CCDC47: variants seen among roughly 807,000 people sequenced by gnomAD.
The protein encoded by CCDC47 is coiled-coil domain containing 47, also known as PAT complex subunit CCDC47.
CCDC47 carries 41 observed loss-of-function variants against 60.5 expected under a neutral mutation model. That is an observed-to-expected ratio of 0.68 (90% CI 0.53 to 0.88). CCDC47 has a LOEUF of 0.88. Ranked by LOEUF, CCDC47 falls within the 40% of genes least tolerant of loss-of-function variation. The probability of loss-of-function intolerance (pLI) is 0.00; values close to 1 mark genes in which losing one functional copy is unlikely to be tolerated. For synonymous variants in CCDC47, 195 were observed against 190.7 expected (o/e 1.02, Z -0.18); for missense variants, 513 against 580.9 (o/e 0.88, Z 1.20).
At chr17:63,768,202 A>G (rs2039310730) in intron 1 of CCDC47, among the ~76,000 whole-genome samples, 1 of 152,240 alleles carries the variant, frequency 6.6e-6, no homozygotes, top group Non-Finnish European at 1.5e-5. Flanking sequence ...CTGTAATTAA[A>G]TGTACCTTCA....
intron 8 of CCDC47, 121 bp downstream of exon 8, chr17:63,756,119 G>A: frequency 1.5e-6 from 1 of 661,368 alleles, no homozygotes; most frequent in East Asian, 2.7e-5. Flanking sequence ...ATATTTGTGT[G>A]GGAAAGGAAT....
chr17:63,766,045 T>A lies in CCDC47; in HGVS notation c.131A>T (p.Asp44Val). The change falls in exon 2 of 13, where the codon GAT (aspartate) becomes GTT (valine). Residue 44 changes from aspartate to valine, a missense_variant. Asp to Val is a radical substitution (Grantham distance 152, BLOSUM62 -3). Coordinates refer to ENST00000225726, the MANE Select transcript of CCDC47 (RefSeq NM_020198.3). ...YDDNDFAEFE[D>V]VMEDSVTESP... Reference sequence around the variant, plus strand: ...TTCAGTAACAGAGTCTTCCATGACATCCTCAAATTCAGCGAAGTCATTATC... The same window carrying A: ...TTCAGTAACAGAGTCTTCCATGACAACCTCAAATTCAGCGAAGTCATTATC... 1.9e-6 allele frequency: 3 copies of A among 1,614,090 alleles called. No individual in the cohort carries two copies. Among genetic ancestry groups the A allele is most frequent in the Non-Finnish European group, 2.5e-6 (3 of 1,180,014 alleles).
chr17:63,748,516 C>G (rs2039137612), intron 12 of CCDC47, among the ~76,000 whole-genome samples: 1 of 152,262 alleles, frequency 6.6e-6, no homozygotes, highest in East Asian at 1.9e-4. Context: ...CCTCTGCCTC[C>G]CAGGTTCGAT....
intron 6 of CCDC47, among the ~76,000 whole-genome samples, chr17:63,759,570 TATATATAA>T (rs2040498493): frequency 2.1e-4 from 17 of 81,168 alleles, no homozygotes; most frequent in Middle Eastern, 8.2e-3. Flanking sequence ...TATATATATA[TATATATAA>T]AACAATGATT....
At chr17:63,771,539 G>A (rs2039341853) in intron 1 of CCDC47, among the ~76,000 whole-genome samples, 1 of 152,206 alleles carries the variant, frequency 6.6e-6, no homozygotes, top group African/African-American at 2.4e-5. Context: ...GGTATGGGAT[G>A]TGTCTCTAAA....
chr17:63,764,560 GTTGA>G (rs777728703), intron 3 of CCDC47, among the ~76,000 whole-genome samples, 176 bp downstream of exon 3: 220 of 151,308 alleles, frequency 1.5e-3, no homozygotes, highest in Non-Finnish European at 2.6e-3. Context: ...TTCTGTAGGT[GTTGA>G]TTTTTTTTTT....
chr17:63,768,586 G>T (rs891059346), intron 1 of CCDC47, among the ~76,000 whole-genome samples: 13 of 152,086 alleles, frequency 8.5e-5, no homozygotes, highest in African/African-American at 3.1e-4. Context: ...GCTACTCAGG[G>T]CACTGAGGTG....
intron 1 of CCDC47, among the ~76,000 whole-genome samples, chr17:63,772,092 A>G (rs1374792971): frequency 6.6e-6 from 1 of 151,914 alleles, no homozygotes; most frequent in Non-Finnish European, 1.5e-5. Flanking sequence ...AAAAAAATAG[A>G]TAAATAATAA....
chr17:63,766,801 G>A, intron 1 of CCDC47: 1 of 971,030 alleles, frequency 1.0e-6, no homozygotes, highest in Non-Finnish European at 1.2e-6. Context: ...AGCATTTTTT[G>A]AGGGCCTATT....
At chr17:63,750,009 C>G (rs2039150917) in intron 12 of CCDC47, among the ~76,000 whole-genome samples, 1 of 151,922 alleles carries the variant, frequency 6.6e-6, no homozygotes, top group Non-Finnish European at 1.5e-5. Context: ...ATATCATATA[C>G]TGGTAGAGGG....
At chr17:63,749,860 C>T (rs978557728) in intron 12 of CCDC47, among the ~76,000 whole-genome samples, 10 of 152,012 alleles carry the variant, frequency 6.6e-5, no homozygotes, top group Non-Finnish European at 1.0e-4. Flanking sequence ...GAGGCCGAAG[C>T]GGGAGGATGG....
intron 12 of CCDC47, among the ~76,000 whole-genome samples, chr17:63,749,183 G>A (rs1461794502): frequency 6.6e-6 from 1 of 151,528 alleles, no homozygotes; most frequent in African/African-American, 2.4e-5. Context: ...GAGGTGGGTG[G>A]ATCACCTGAG....
chr17:63,756,687 A>G, intron 6 of CCDC47, 117 bp from the exon 7 acceptor site: 2 of 674,906 alleles, frequency 3.0e-6, no homozygotes, highest in Non-Finnish European at 5.1e-6. Context: ...CCTTTAAGTG[A>G]TTGGGATTTG....
At chr17:63,763,566 C>T (rs1400018972) in intron 4 of CCDC47, among the ~76,000 whole-genome samples, 1 of 151,934 alleles carries the variant, frequency 6.6e-6, no homozygotes, top group Admixed American at 6.6e-5. Context: ...TGGCTCATGC[C>T]TGTAATCCCT....
rs1385526344 is a variant in CCDC47, at chr17:63,761,230, C to T, written c.669G>A (p.Arg223=). The T allele has an allele frequency of 1.9e-6, 3 of 1,613,996 alleles. No homozygotes were observed. The highest frequency in any genetic ancestry group is 1.7e-5 in the Admixed American group (1 of 59,994). ...ATCGTACAAGAAGTTTCCTACTTAC[C>T]CTCAGCTGGATAAGCATGCCCTCAC... ...VCCEGMLIQL[R]FLKRQDLLNV... Residue 223 remains arginine (R), a splice_region_variant and synonymous_variant, in exon 5 of 13, where the codon AGG becomes AGA. Transcript: ENST00000225726.
intron 6 of CCDC47, among the ~76,000 whole-genome samples, chr17:63,759,556 T>A (rs1259278160): frequency 0.13 from 5,101 of 38,692 alleles, 1,539 homozygotes; most frequent in African/African-American, 0.2. Flanking sequence ...TATATATATA[T>A]ATATATATAT....
intron 12 of CCDC47, among the ~76,000 whole-genome samples, chr17:63,749,747 CAA>C (rs773330267): frequency 1.2e-4 from 13 of 108,124 alleles, no homozygotes; most frequent in East Asian, 2.6e-4. Context: ...GACTCTGTCT[CAA>C]AAAAAAAAAA....
intron 10 of CCDC47, 32 bp downstream of exon 10, chr17:63,752,709 C>T (rs2039176398): frequency 6.3e-7 from 1 of 1,597,778 alleles, no homozygotes; most frequent in Non-Finnish European, 8.5e-7. Flanking sequence ...TCAGAGAAGA[C>T]TAAGAACCCA....
At chr17:63,771,041 G>GAAAGAAAGAAAGAAAGA (rs1568253194) in intron 1 of CCDC47, among the ~76,000 whole-genome samples, 126 of 31,658 alleles carry the variant, frequency 4.0e-3, no homozygotes, top group African/African-American at 0.013. Context: ...AGGAAGGAAG[G>GAAAGAAAGAAAGAAAGA]AAGGAAGAAA....
Sources: allele counts gnomAD v4.1 joint callset (sites outside exome capture counted in the v4.1 genomes callset), GRCh38; gene constraint gnomAD v4.1.1; transcripts MANE v1.5; gene names NCBI Gene and HGNC (gene_info 2026-07-23, HGNC 2026-07-21).